HRH4: variants seen among roughly 807,000 people sequenced by gnomAD.
HRH4 encodes histamine H4 receptor.
In HRH4, 12 loss-of-function variants were observed where a neutral mutation model predicts 10.4. The ratio of observed to expected loss-of-function variants is 1.15; its 90% CI spans 0.74 to 1.87. The LOEUF is 1.87. Ranked by LOEUF, HRH4 falls within the 40% of genes most tolerant of loss-of-function variation. HRH4 has a pLI of 0.00. For synonymous variants in HRH4, 154 were observed against 166.6 expected (o/e 0.92, Z 0.58); for missense variants, 415 against 453.3 (o/e 0.92, Z 0.77).
intron 2 of HRH4, among the ~76,000 whole-genome samples, chr18:24,472,225 T>C (rs998437976): frequency 1.1e-4 from 17 of 152,166 alleles, no homozygotes; most frequent in Admixed American, 2.6e-4. Flanking sequence ...TTTGTATTTT[T>C]AGTAGAGATG....
rs1021475504 is a variant in HRH4 at position 24,479,158 on chromosome 18, A to G, written c.*1596A>G. Reference sequence around the variant, plus strand: ...GAATTTTTTTTTTTTTAATTTTGATAAGACAGGGTATTGCCGTGTTGGCCA... The same window carrying G: ...GAATTTTTTTTTTTTTAATTTTGATGAGACAGGGTATTGCCGTGTTGGCCA... On this transcript the variant is annotated 3_prime_UTR_variant, in exon 3 of 3. Transcript: ENST00000256906. The G allele has an allele frequency of 6.6e-6, 1 of 151,300 alleles. No homozygotes were observed. The highest frequency in any genetic ancestry group is 2.4e-5 in the African/African-American group (1 of 41,162). 9.4% of individuals were successfully genotyped at this position (151,300 alleles called of 1,614,324 possible). A position where few individuals can be genotyped will look rare whatever the true frequency, so the allele number is the denominator to read the frequency against.
chr18:24,472,717 G>A (rs888066252), intron 2 of HRH4, among the ~76,000 whole-genome samples: 1 of 152,164 alleles, frequency 6.6e-6, no homozygotes, highest in Non-Finnish European at 1.5e-5. Flanking sequence ...ATTTGGAAAA[G>A]AAAAGCCCAG....
intron 1 of HRH4, among the ~76,000 whole-genome samples, chr18:24,464,639 C>T (rs1909727598): frequency 2.6e-5 from 4 of 152,052 alleles, no homozygotes; most frequent in African/African-American, 9.7e-5. Flanking sequence ...TCTTAGCTGG[C>T]TTAGAAAGAA....
chr18:24,462,364 A>C (rs1886251410), intron 1 of HRH4, among the ~76,000 whole-genome samples: 1 of 152,170 alleles, frequency 6.6e-6, no homozygotes, highest in African/African-American at 2.4e-5. Context: ...AACAGATCAA[A>C]GCTTTACTTT....
chr18:24,465,426 C>T (rs1026060237), intron 1 of HRH4, among the ~76,000 whole-genome samples: 7 of 152,112 alleles, frequency 4.6e-5, no homozygotes, highest in Middle Eastern at 3.4e-3. Flanking sequence ...GAGGCCAGAA[C>T]GGCTGGGATG....
Position 24,477,063 on chromosome 18 carries a change from G to A in HRH4, c.674G>A (p.Gly225Glu). ...ACTGCTGTCTCTTCCAACATCTGTGGACACTCATTCAGAGGTAGACTATCT... is the reference window on the plus strand; with the variant it reads ...ACTGCTGTCTCTTCCAACATCTGTGAACACTCATTCAGAGGTAGACTATCT... ...GLTAVSSNIC[G>E]HSFRGRLSSR... The change falls in exon 3 of 3, where the codon GGA becomes GAA. Residue 225 changes from glycine (G) to glutamate (E), a missense_variant. Coordinates refer to ENST00000256906, the MANE Select transcript of HRH4 (RefSeq NM_021624.4). 1 of 1,614,180 alleles carries A rather than the reference G, an allele frequency of 6.2e-7. No individual in the cohort carries two copies. The highest frequency in any genetic ancestry group is 1.3e-5 in the African/African-American group (1 of 75,046).
intron 2 of HRH4, among the ~76,000 whole-genome samples, chr18:24,472,133 C>G (rs1028657504): frequency 3.3e-5 from 5 of 152,088 alleles, no homozygotes; most frequent in Admixed American, 3.3e-4. Context: ...GCAAACTCCC[C>G]CTCCCGGGTT....
rs746991054 is a variant in HRH4 at position 24,476,929 on chromosome 18, C to T, written c.540C>T (p.Phe180=). The stretch of plus-strand genomic sequence containing the variant: ...GGTACATCCTTGCCATCACATCATT[C>T]TTGGAATTCGTGATCCCAGTCATCT... ...SEWYILAITS[F]LEFVIPVILV... The change falls in exon 3 of 3, where the codon TTC becomes TTT. Residue 180 remains phenylalanine, a synonymous_variant. Transcript: ENST00000256906. 5 of 1,614,008 alleles carry T rather than the reference C, an allele frequency of 3.1e-6. No individual in the cohort carries two copies. Among genetic ancestry groups the T allele is most frequent in the Non-Finnish European group, 4.2e-6 (5 of 1,180,034 alleles).
In HRH4 at chr18:24,477,846, A is replaced by C. The variant is rs1910189061; in HGVS notation, c.*284A>C. On this transcript the variant is annotated 3_prime_UTR_variant, in exon 3 of 3. Coordinates refer to ENST00000256906, the MANE Select transcript of HRH4 (RefSeq NM_021624.4). ...CAGTTTTGTTTTCTTTCTATGTTCC[A>C]TGCATAATACAGTCTTAAGTGAATT... The C allele has an allele frequency of 3.4e-6, 1 of 291,576 alleles. No homozygotes were observed. The highest frequency in any genetic ancestry group is 6.4e-6 in the Non-Finnish European group (1 of 157,202). The allele number at this position is 291,576 out of a possible 1,614,324, so 18.1% of individuals were successfully genotyped here.
At position 24,468,081 on chromosome 18, in the gene HRH4, T is replaced by C. The variant is rs112814090; in HGVS notation, c.194-707T>C. ...TTGAAAGTACAGTCGCCCCTTGGTG[T>C]CTGTGGGGGGTTTGTTCCAGGAATC... is the stretch of plus-strand genomic sequence containing the variant. On this transcript the variant is annotated intron_variant, in intron 1 of 2. Transcript: ENST00000256906. 4.3e-4 allele frequency among the ~76,000 whole-genome samples: 65 copies of C among 152,300 alleles called. 1 individual carries two copies. Among genetic ancestry groups the C allele is most frequent in the African/African-American group, 1.5e-3 (63 of 41,578 alleles).
rs1450064221 is a variant in HRH4, at chr18:24,460,810, G to A, written c.82G>A (p.Ala28Thr). The change falls in exon 1 of 3, where the codon GCT (alanine) becomes ACT (threonine). Residue 28 changes from alanine (A) to threonine (T), a missense_variant. Coordinates refer to ENST00000256906, the MANE Select transcript of HRH4 (RefSeq NM_021624.4). ...LAFFMSLVAF[A>T]IMLGNALVIL... The stretch of plus-strand genomic sequence containing the variant: ...ATTTTTTATGTCCTTAGTAGCTTTT[G>A]CTATAATGCTAGGAAATGCTTTGGT... 6.9e-6 allele frequency: 11 copies of A among 1,586,456 alleles called. No individual in the cohort carries two copies. The highest frequency in any genetic ancestry group is 8.6e-6 in the Non-Finnish European group (10 of 1,160,328).
intron 2 of HRH4, among the ~76,000 whole-genome samples, chr18:24,475,387 G>C (rs1369578346): frequency 6.6e-6 from 1 of 152,192 alleles, no homozygotes; most frequent in Non-Finnish European, 1.5e-5. Context: ...ATTTTGAGAG[G>C]CTAAGACAGG....
intron 1 of HRH4, among the ~76,000 whole-genome samples, chr18:24,466,921 G>A (rs998561993): frequency 2.6e-5 from 4 of 152,196 alleles, no homozygotes; most frequent in Non-Finnish European, 4.4e-5. Context: ...AAGGAACCTC[G>A]TTTCGTCACT....
chr18:24,460,909 G>T lies in HRH4; in HGVS notation c.181G>T (p.Asp61Tyr). ...SYFFLNLAIS[D>Y]FFVGVISIPL... ...TTTTTTTCTTAACTTGGCCATCTCT[G>T]ACTTCTTTGTGGGTAAGTTATATGT... Residue 61 changes from aspartate (D) to tyrosine (Y), a missense_variant, in exon 1 of 3, where the codon GAC (aspartate) becomes TAC (tyrosine). Transcript: ENST00000256906. 1.3e-6 allele frequency: 2 copies of T among 1,560,178 alleles called. No homozygotes were observed. Among genetic ancestry groups the T allele is most frequent in the South Asian group, 2.4e-5 (2 of 83,056 alleles).
rs910265071 is a variant in HRH4, at chr18:24,478,089, G to T, written c.*527G>T. On this transcript the variant is annotated 3_prime_UTR_variant, in exon 3 of 3. Coordinates refer to ENST00000256906, the MANE Select transcript of HRH4 (RefSeq NM_021624.4). ...GATTTTATATTCCTAATCCCAGTAAGGAAGAAAGCGTAGTGTGGGAGAGGA... is the reference window on the plus strand; with the variant it reads ...GATTTTATATTCCTAATCCCAGTAATGAAGAAAGCGTAGTGTGGGAGAGGA... 7.2e-5 allele frequency: 11 copies of T among 152,488 alleles called. No homozygotes were observed. Among genetic ancestry groups the T allele is most frequent in the African/African-American group, 2.7e-4 (11 of 41,470 alleles). The allele number at this position is 152,488 out of a possible 1,614,324, so 9.4% of individuals were successfully genotyped here.
intron 1 of HRH4, among the ~76,000 whole-genome samples, chr18:24,467,479 T>C (rs1362461686): frequency 6.6e-6 from 1 of 152,166 alleles, no homozygotes; most frequent in Non-Finnish European, 1.5e-5. Context: ...AAAGAGGGCA[T>C]GGAGGAGGTC....
rs779530887 is a variant in HRH4, at chr18:24,477,031, T to G, written c.642T>G (p.Pro214=). 2 of 1,614,248 alleles carry G rather than the reference T, an allele frequency of 1.2e-6. No individual in the cohort carries two copies. The highest frequency in any genetic ancestry group is 2.2e-5 in the South Asian group (2 of 91,088). ...RDHLSRCQSH[P]GLTAVSSNIC... is the part of the protein sequence containing the mutation. ...ATCTCAGTAGGTGCCAAAGCCATCC[T>G]GGACTGACTGCTGTCTCTTCCAACA... is the stretch of plus-strand genomic sequence containing the variant. Residue 214 remains proline, a synonymous_variant, in exon 3 of 3, where the codon CCT becomes CCG. Transcript: ENST00000256906.
chr18:24,466,517 A>G (rs543737756), intron 1 of HRH4, among the ~76,000 whole-genome samples: 64 of 152,010 alleles, frequency 4.2e-4, no homozygotes, highest in Admixed American at 1.6e-3. Flanking sequence ...TATAATTGAA[A>G]CATGAAACAA....
intron 2 of HRH4, among the ~76,000 whole-genome samples, chr18:24,474,004 T>A (rs2144380757): frequency 6.6e-6 from 1 of 152,302 alleles, no homozygotes; most frequent in South Asian, 2.1e-4. Flanking sequence ...GAGCTGTCTA[T>A]CTTTCAAATA....
Sources: allele counts gnomAD v4.1 joint callset (sites outside exome capture counted in the v4.1 genomes callset), GRCh38; gene constraint gnomAD v4.1.1; transcripts MANE v1.5; gene names NCBI Gene and HGNC (gene_info 2026-07-23, HGNC 2026-07-21).